Variants in SLC41A3 observed in about 807,000 individuals in gnomAD.
SLC41A3 encodes the protein solute carrier family 41 member 3, also known as SLC41A1-like 2.
A neutral mutation model predicts 45.4 loss-of-function variants in SLC41A3; 44 were observed. That is an observed-to-expected ratio of 0.97 (90% CI 0.76 to 1.25). SLC41A3 has a LOEUF of 1.25. SLC41A3 is among the 50% of genes most tolerant of loss of function. The pLI, the probability that SLC41A3 is intolerant of heterozygous loss-of-function variation, is 0.00. For missense variants in SLC41A3, 550 were observed against 600.6 expected (o/e 0.92, Z 0.88); for synonymous variants, 256 against 252.4 (o/e 1.01, Z -0.13).
chr3:126,050,731 G>T (rs1239073730), intron 3 of SLC41A3, among the ~76,000 whole-genome samples: 4 of 152,136 alleles, frequency 2.6e-5, no homozygotes, highest in Non-Finnish European at 5.9e-5. Flanking sequence ...AAACAGGGTT[G>T]TGCACATCCC....
rs1318005461 is a variant in SLC41A3, at chr3:126,056,286, C to A, written c.274-5236G>T. On this transcript the variant is annotated intron_variant, in intron 2 of 10. Transcript: ENST00000360370. ...AGAGGCCCCTCATGTCTCCAGCCTG[C>A]CCTGTCTGTGGTGCCAGGAGACCCA... 1.9e-6 allele frequency: 3 copies of A among 1,555,710 alleles called. No individual in the cohort carries two copies. In the African/African-American group the frequency reaches 4.1e-5, roughly 21 times the overall value.
At chr3:126,071,147 T>C (rs1041244630) in intron 1 of SLC41A3, among the ~76,000 whole-genome samples, 3 of 152,184 alleles carry the variant, frequency 2.0e-5, no homozygotes, top group African/African-American at 7.2e-5. Flanking sequence ...ATAAATCCCA[T>C]CTTATCAATT....
intron 2 of SLC41A3, among the ~76,000 whole-genome samples, chr3:126,053,938 C>A (rs977501208): frequency 1.3e-5 from 2 of 152,290 alleles, no homozygotes; most frequent in Admixed American, 6.5e-5. Context: ...ACCGCCCTCT[C>A]CAGCAACACT....
intron 5 of SLC41A3, chr3:126,024,504 C>T (rs1010394363): frequency 6.6e-6 from 1 of 152,328 alleles, no homozygotes; most frequent in South Asian, 2.1e-4. Flanking sequence ...TGAGCAGGGA[C>T]ACGTGGTTTG....
At chr3:126,074,774 A>G (rs939063157) in intron 1 of SLC41A3, among the ~76,000 whole-genome samples, 1 of 152,082 alleles carries the variant, frequency 6.6e-6, no homozygotes, top group African/African-American at 2.4e-5. Context: ...TCAACTTCCT[A>G]GGCTCAAGTA....
At chr3:126,047,750 A>C (rs1389025339) in intron 3 of SLC41A3, among the ~76,000 whole-genome samples, 1 of 137,012 alleles carries the variant, frequency 7.3e-6, no homozygotes, top group Non-Finnish European at 1.5e-5. Flanking sequence ...ACTCTAAATG[A>C]ATCAAAGACC....
At chr3:126,007,271 T>A in intron 10 of SLC41A3, 46 bp from the exon 11 acceptor site, 1 of 1,593,630 alleles carries the variant, frequency 6.3e-7, no homozygotes, top group Middle Eastern at 1.7e-4. Flanking sequence ...AGTCAGAAAG[T>A]CAAGTACAGG....
chr3:126,042,114 A>G (rs374261427), intron 3 of SLC41A3, among the ~76,000 whole-genome samples: 3 of 152,318 alleles, frequency 2.0e-5, no homozygotes, highest in Admixed American at 6.5e-5. Flanking sequence ...AAGCAAATGG[A>G]AATGGTGACA....
chr3:126,039,369 T>C (rs1333456245), intron 3 of SLC41A3, among the ~76,000 whole-genome samples: 1 of 152,220 alleles, frequency 6.6e-6, no homozygotes, highest in Non-Finnish European at 1.5e-5. Context: ...AATCTCATTG[T>C]AGAAGAATAC....
intron 2 of SLC41A3, among the ~76,000 whole-genome samples, chr3:126,061,860 C>T (rs1025883091): frequency 6.6e-6 from 1 of 152,152 alleles, no homozygotes; most frequent in African/African-American, 2.4e-5. Flanking sequence ...CTCTTGGGCT[C>T]TGTCATCTCC....
At chr3:126,052,744 C>T (rs1332317436) in intron 2 of SLC41A3, among the ~76,000 whole-genome samples, 1 of 152,180 alleles carries the variant, frequency 6.6e-6, no homozygotes, top group African/African-American at 2.4e-5. Flanking sequence ...CCTTTGCCAA[C>T]CTCACTATCC....
chr3:126,014,601 C>G (rs1244421836), intron 8 of SLC41A3, among the ~76,000 whole-genome samples: 4 of 152,242 alleles, frequency 2.6e-5, no homozygotes, highest in African/African-American at 7.2e-5. Context: ...CACTTTGGCA[C>G]TGTTGGGGTG....
chr3:126,059,296 A>AG (rs1943911806), intron 2 of SLC41A3, among the ~76,000 whole-genome samples: 6 of 99,632 alleles, frequency 6.0e-5, no homozygotes, highest in East Asian at 2.9e-4. Flanking sequence ...GAAAGAAAGA[A>AG]AGAAAGAAAG....
intron 1 of SLC41A3, among the ~76,000 whole-genome samples, chr3:126,099,417 G>A (rs567279427): frequency 2.6e-5 from 4 of 152,332 alleles, no homozygotes; most frequent in Non-Finnish European, 5.9e-5. Flanking sequence ...AGGATTTAAA[G>A]AGGGTAGAAT....
At chr3:126,077,652 T>C (rs552187133) in intron 1 of SLC41A3, among the ~76,000 whole-genome samples, 5 of 152,314 alleles carry the variant, frequency 3.3e-5, no homozygotes, top group Non-Finnish European at 5.9e-5. Context: ...AGGAATGAGG[T>C]GGTAGGCTTA....
intron 6 of SLC41A3, among the ~76,000 whole-genome samples, chr3:126,018,186 C>A (rs1580408995): frequency 6.6e-6 from 1 of 152,142 alleles, no homozygotes; most frequent in African/African-American, 2.4e-5. Context: ...AGGTCACAGT[C>A]TCACTGGAGA....
At chr3:126,038,549 C>A (rs777262152) in intron 3 of SLC41A3, among the ~76,000 whole-genome samples, 3 of 152,154 alleles carry the variant, frequency 2.0e-5, no homozygotes, top group Non-Finnish European at 2.9e-5. Context: ...TTGCATGGGG[C>A]CTGTTGTTCC....
Position 126,026,516 on chromosome 3 carries a change from CG to C in SLC41A3, c.454-38del, listed in dbSNP as rs1941365205. On this transcript the variant is annotated intron_variant, in intron 4 of 10. Coordinates refer to ENST00000360370, the MANE Select transcript of SLC41A3 (RefSeq NM_017836.4). This position sits in a 1 kb window ranked among gnomAD's most constrained non-coding sequence, Gnocchi z 4.2. ...AAATCAGAAGCATGAAGGGGGGCCC[CG>C]GGGCCACAGCCACACTCCCTGCCCT... is the stretch of plus-strand genomic sequence containing the variant. The C allele has an allele frequency of 4.4e-6, 7 of 1,586,842 alleles. No individual in the cohort carries two copies. Among genetic ancestry groups the C allele is most frequent in the Middle Eastern group, 1.7e-4 (1 of 6,012 alleles).
rs1252460271 is a variant in SLC41A3, at chr3:126,068,080, C to T, written c.140G>A (p.Ser47Asn). Residue 47 changes from serine to asparagine, a missense_variant, in exon 2 of 11, where the codon AGC becomes AAC. By Grantham distance (46) the Ser-to-Asn change is conservative. Coordinates refer to ENST00000360370, the MANE Select transcript of SLC41A3 (RefSeq NM_017836.4). ...AGTCTCCAGTGGCTTGGGGGTCACG[C>T]TTTGGCTCTCAGGGGCCCTGAGAGC... is the stretch of plus-strand genomic sequence containing the variant. ...DGALRAPESQ[S>N]VTPKPLETEP... 2 of 1,613,826 alleles carry T rather than the reference C, an allele frequency of 1.2e-6. No individual in the cohort carries two copies. Among genetic ancestry groups the T allele is most frequent in the East Asian group, 2.2e-5 (1 of 44,846 alleles).
Sources: allele counts gnomAD v4.1 joint callset (sites outside exome capture counted in the v4.1 genomes callset), GRCh38; gene constraint gnomAD v4.1.1; non-coding constraint Gnocchi (gnomAD v3.1); transcripts MANE v1.5; gene names NCBI Gene and HGNC (gene_info 2026-07-23, HGNC 2026-07-21).